Variants in OR2L3 observed in about 807,000 individuals in gnomAD.
OR2L3 encodes the protein olfactory receptor 2L3.
For missense variants in OR2L3, 369 were observed against 376.6 expected (o/e 0.98, Z 0.17); for synonymous variants, 131 against 139.1 (o/e 0.94, Z 0.41).
intron 1 of OR2L3, among the ~76,000 whole-genome samples, chr1:248,052,044 A>C (rs1663279723): frequency 6.6e-6 from 1 of 152,172 alleles, no homozygotes; most frequent in East Asian, 1.9e-4. Context: ...AATTTTTTCA[A>C]CTTGCAGTGG....
chr1:248,060,660 G>C lies in OR2L3; in HGVS notation c.-21-1G>C. 6.3e-7 allele frequency: 1 copy of C among 1,584,470 alleles called. No individual in the cohort carries two copies. Among genetic ancestry groups the C allele is most frequent in the Non-Finnish European group, 8.6e-7 (1 of 1,158,868 alleles). Reference sequence around the variant, plus strand: ...TAACTTACCCTTGTGTCTCCCTTCAGGAAAGAGCACACGAATGCCCCATGG... The same window carrying C: ...TAACTTACCCTTGTGTCTCCCTTCACGAAAGAGCACACGAATGCCCCATGG... On this transcript the variant is annotated splice_acceptor_variant, in intron 1 of 1. Transcript: ENST00000359959. LOFTEE classifies it low-confidence loss of function (5UTR_SPLICE).
chr1:248,049,627 C>T (rs74153042), intron 1 of OR2L3, among the ~76,000 whole-genome samples: 4,792 of 152,098 alleles, frequency 0.032, 226 homozygotes, highest in African/African-American at 0.11. Flanking sequence ...TACGAGGAAA[C>T]GGAAAAAGAT....
intron 1 of OR2L3, among the ~76,000 whole-genome samples, chr1:248,049,720 G>A (rs1663194640): frequency 6.6e-6 from 1 of 151,994 alleles, no homozygotes; most frequent in Admixed American, 6.6e-5. Context: ...ACACTTATGT[G>A]GAGTTTTTGT....
chr1:248,046,861 GA>G lies in OR2L3; in HGVS notation c.-38del, dbSNP rs1327650667. 2 of 152,152 alleles carry G rather than the reference GA, an allele frequency of 1.3e-5. No homozygotes were observed. Among genetic ancestry groups the G allele is most frequent in the South Asian group, 2.1e-4 (1 of 4,830 alleles). 9.4% of individuals were successfully genotyped at this position (152,152 alleles called of 1,614,324 possible). Reference sequence around the variant, plus strand: ...GCTAAGCAAAGGCAGTGAGTGTTTGGAAATGAGGAAATAATAAAGGTACTAA... The same window carrying G: ...GCTAAGCAAAGGCAGTGAGTGTTTGGAATGAGGAAATAATAAAGGTACTAA... On this transcript the variant is annotated 5_prime_UTR_variant, in exon 1 of 2. In the 5' UTR this introduces an upstream ATG that the reference lacks. Coordinates refer to ENST00000359959, the MANE Select transcript of OR2L3 (RefSeq NM_001004687.2).
At chr1:248,055,257 G>A (rs955231041) in intron 1 of OR2L3, among the ~76,000 whole-genome samples, 1 of 152,168 alleles carries the variant, frequency 6.6e-6, no homozygotes, top group Non-Finnish European at 1.5e-5. Context: ...ATTTGTGTAT[G>A]TACAACCAGC....
At chr1:248,048,718 T>C (rs961312635) in intron 1 of OR2L3, among the ~76,000 whole-genome samples, 2 of 152,256 alleles carry the variant, frequency 1.3e-5, no homozygotes, top group South Asian at 2.1e-4. Flanking sequence ...GAGATCAGTT[T>C]CTGGAAGTTT....
At chr1:248,056,927 G>T (rs1663453746) in intron 1 of OR2L3, among the ~76,000 whole-genome samples, 1 of 151,850 alleles carries the variant, frequency 6.6e-6, no homozygotes, top group African/African-American at 2.4e-5. Context: ...TGGGATTACA[G>T]TCGTGAGCCA....
intron 1 of OR2L3, among the ~76,000 whole-genome samples, chr1:248,048,850 T>A (rs948691755): frequency 6.6e-6 from 1 of 152,058 alleles, no homozygotes; most frequent in African/African-American, 2.4e-5. Context: ...TTCAGTCTGA[T>A]TTTTTATAAA....
At chr1:248,050,894 ATAAAT>A (rs1663242562) in intron 1 of OR2L3, among the ~76,000 whole-genome samples, 1 of 152,166 alleles carries the variant, frequency 6.6e-6, no homozygotes, top group Non-Finnish European at 1.5e-5. Context: ...ATTACTGAAA[ATAAAT>A]TGCTCTGCCA....
chr1:248,053,608 C>T (rs2103115211), intron 1 of OR2L3, among the ~76,000 whole-genome samples: 1 of 152,284 alleles, frequency 6.6e-6, no homozygotes, highest in South Asian at 2.1e-4. Flanking sequence ...TTCACAGCCT[C>T]ACTAGCATCT....
At chr1:248,060,573 C>A in intron 1 of OR2L3, 88 bp from the exon 2 acceptor site, 1 of 836,732 alleles carries the variant, frequency 1.2e-6, no homozygotes, top group Non-Finnish European at 2.0e-6. Context: ...CAACTCCAGT[C>A]TCAAGAATTT....
At chr1:248,057,492 AT>A (rs1663471224) in intron 1 of OR2L3, among the ~76,000 whole-genome samples, 1 of 151,920 alleles carries the variant, frequency 6.6e-6, no homozygotes, top group East Asian at 1.9e-4. Flanking sequence ...TGCTTGGTAA[AT>A]TTTTCTCTAT....
At chr1:248,053,828 G>A (rs941148320) in intron 1 of OR2L3, among the ~76,000 whole-genome samples, 2 of 151,996 alleles carry the variant, frequency 1.3e-5, no homozygotes, top group African/African-American at 4.8e-5. Flanking sequence ...TTGTAAATTT[G>A]CTTAAGTTCT....
intron 1 of OR2L3, among the ~76,000 whole-genome samples, chr1:248,057,444 A>G (rs535611811): frequency 6.6e-6 from 1 of 152,296 alleles, no homozygotes; most frequent in South Asian, 2.1e-4. Flanking sequence ...TTTGTCAGAA[A>G]CTAGGATTGC....
chr1:248,055,024 A>G (rs1383066432), intron 1 of OR2L3, among the ~76,000 whole-genome samples: 1 of 152,188 alleles, frequency 6.6e-6, no homozygotes, highest in Non-Finnish European at 1.5e-5. Context: ...GCTAATTTTC[A>G]AAGGGAATGC....
chr1:248,058,493 C>A (rs1022507409), intron 1 of OR2L3, among the ~76,000 whole-genome samples: 1 of 151,870 alleles, frequency 6.6e-6, no homozygotes, highest in African/African-American at 2.4e-5. Flanking sequence ...GAATTTATTG[C>A]TACAATACAA....
rs6587417 is a variant in OR2L3, at chr1:248,061,899, A to G, written c.*279A>G. ...TTTTTGTTTTTGGTCATGCAGAAAT[A>G]GAAATGAAATTGGTCTAACTGAAGT... On this transcript the variant is annotated 3_prime_UTR_variant, in exon 2 of 2. Coordinates refer to ENST00000359959, the MANE Select transcript of OR2L3 (RefSeq NM_001004687.2). The G allele has an allele frequency of 1, 263,717 of 264,452 alleles. 131,496 individuals are homozygous for G. The highest frequency in any genetic ancestry group is 1 in the Middle Eastern group (826 of 826). The allele number at this position is 264,452 out of a possible 1,614,324, so 16.4% of individuals were successfully genotyped here.
At position 248,061,646 on chromosome 1, in the gene OR2L3, G is replaced by A. The variant is rs1174994557; in HGVS notation, c.*26G>A. ...AAACATTTTCTACCTAAGGTCTCAGGACTCAGATACACATCCATCCAGCAG... is the reference window on the plus strand; with the variant it reads ...AAACATTTTCTACCTAAGGTCTCAGAACTCAGATACACATCCATCCAGCAG... On this transcript the variant is annotated 3_prime_UTR_variant, in exon 2 of 2. Transcript: ENST00000359959. The A allele has an allele frequency of 5.0e-6, 8 of 1,585,998 alleles. No homozygotes were observed. The South Asian group carries it at 7.9e-5, about 16-fold the overall frequency.
intron 1 of OR2L3, among the ~76,000 whole-genome samples, chr1:248,053,074 G>C (rs1039801909): frequency 3.3e-5 from 5 of 152,020 alleles, no homozygotes; most frequent in Admixed American, 1.3e-4. Context: ...AGCCCAGCAT[G>C]CACTAGCTCT....
Sources: gnomAD v4.1 joint callset for allele counts (sites outside exome capture counted in the v4.1 genomes callset) on GRCh38, gnomAD v4.1.1 for gene constraint, MANE v1.5 for transcripts, NCBI Gene and HGNC (gene_info 2026-07-23, HGNC 2026-07-21) for gene names.